Variants in KDM2A observed in about 807,000 individuals in gnomAD.
KDM2A encodes lysine demethylase 2A.
A neutral mutation model predicts 137.3 loss-of-function variants in KDM2A; 3 were observed. The ratio of observed to expected loss-of-function variants is 0.02; its 90% CI spans 0.01 to 0.06. The LOEUF is 0.06. Ranked by LOEUF, KDM2A falls within the 10% of genes least tolerant of loss-of-function variation. The pLI is 1.00. For missense variants in KDM2A, 738 were observed against 1,510.6 expected (o/e 0.49, Z 8.48); for synonymous variants, 512 against 541.5 (o/e 0.95, Z 0.76).
intron 5 of KDM2A, among the ~76,000 whole-genome samples, chr11:67,203,083 C>T (rs1857686787): frequency 6.6e-6 from 1 of 152,072 alleles, no homozygotes. Context: ...CCTTCAGCAA[C>T]CACCACCACT....
At chr11:67,246,224 A>T in intron 15 of KDM2A, 108 bp downstream of exon 15, 1 of 1,209,754 alleles carries the variant, frequency 8.3e-7, no homozygotes, top group South Asian at 1.3e-5. Context: ...GTAGGCCATC[A>T]GCTCTGTGGT....
In KDM2A at chr11:67,257,943, A is replaced by G. The variant is rs925065769; in HGVS notation, c.*2888A>G. On this transcript the variant is annotated 3_prime_UTR_variant, in exon 21 of 21. Transcript: ENST00000529006. ...GACATCTTTCCTCTGACACGTGGGA[A>G]TGGGTGATATTTGTGTAATAAAATT... 5 of 152,190 alleles carry G rather than the reference A, an allele frequency of 3.3e-5. No individual in the cohort carries two copies. Among genetic ancestry groups the G allele is most frequent in the African/African-American group, 1.2e-4 (5 of 41,446 alleles). The allele number at this position is 152,190 out of a possible 1,614,324, so 9.4% of individuals were successfully genotyped here. A position where few individuals can be genotyped will look rare whatever the true frequency, so the allele number is the denominator to read the frequency against.
At chr11:67,162,894 T>G (rs1322542838) in intron 2 of KDM2A, among the ~76,000 whole-genome samples, 1 of 151,900 alleles carries the variant, frequency 6.6e-6, no homozygotes, top group Non-Finnish European at 1.5e-5. Context: ...AATAAATTTT[T>G]TAGAGATGGG....
intron 12 of KDM2A, among the ~76,000 whole-genome samples, chr11:67,242,093 A>T (rs183978085): frequency 4.5e-4 from 69 of 152,318 alleles, no homozygotes; most frequent in Admixed American, 3.9e-3. Context: ...AATTAAAAAA[A>T]ATATATTTGT....
At chr11:67,145,772 C>T (rs1253413968) in intron 2 of KDM2A, among the ~76,000 whole-genome samples, 1 of 151,844 alleles carries the variant, frequency 6.6e-6, no homozygotes, top group Non-Finnish European at 1.5e-5. Flanking sequence ...CTCTTATTTA[C>T]TTTTGGACCT....
intron 2 of KDM2A, among the ~76,000 whole-genome samples, chr11:67,128,009 C>CTTTTT (rs56704753): frequency 5.6e-5 from 6 of 107,868 alleles, no homozygotes; most frequent in Non-Finnish European, 9.4e-5. Flanking sequence ...CACACCCGGC[C>CTTTTT]TTTTTTTTTT....
intron 3 of KDM2A, chr11:67,180,441 G>A (rs1433446060): frequency 2.6e-6 from 1 of 384,730 alleles, no homozygotes; most frequent in Non-Finnish European, 4.6e-6. Context: ...TAGGGCAGGA[G>A]TATTGTTGGA....
In KDM2A at chr11:67,193,987, C is replaced by T. The variant is rs568157060; in HGVS notation, c.307+12095C>T. Among the ~76,000 whole-genome samples, 5 of 152,292 alleles carry T rather than the reference C, an allele frequency of 3.3e-5. No homozygotes were observed. The East Asian group carries it at 5.8e-4, about 18-fold the overall frequency. ...CCTCCCAAATTGCTGAGATTATAGG[C>T]GTAATCTCACTGCACCTGTCCACCA... is the stretch of plus-strand genomic sequence containing the variant. On this transcript the variant is annotated intron_variant, in intron 5 of 20. Coordinates refer to ENST00000529006, the MANE Select transcript of KDM2A (RefSeq NM_012308.3).
chr11:67,218,028 C>A, intron 9 of KDM2A, 144 bp downstream of exon 9: 1 of 771,868 alleles, frequency 1.3e-6, no homozygotes, highest in Non-Finnish European at 2.0e-6. Flanking sequence ...GGAATAGATG[C>A]TGAGGTTTTG....
intron 10 of KDM2A, among the ~76,000 whole-genome samples, chr11:67,225,654 C>T (rs1206784612): frequency 6.6e-6 from 1 of 152,226 alleles, no homozygotes; most frequent in Non-Finnish European, 1.5e-5. Flanking sequence ...CCTGTAATCC[C>T]AGCTACTCGG....
chr11:67,192,977 T>C (rs917325890), intron 5 of KDM2A, among the ~76,000 whole-genome samples: 1 of 152,146 alleles, frequency 6.6e-6, no homozygotes, highest in African/African-American at 2.4e-5. Flanking sequence ...AGATATTCAT[T>C]TATTTTTTAT....
At chr11:67,197,644 C>G (rs577856239) in intron 5 of KDM2A, among the ~76,000 whole-genome samples, 6 of 152,246 alleles carry the variant, frequency 3.9e-5, no homozygotes, top group Admixed American at 3.9e-4. Flanking sequence ...AAGAAGTAAG[C>G]CATTCTGTCT....
intron 5 of KDM2A, among the ~76,000 whole-genome samples, chr11:67,188,956 T>C (rs1857276920): frequency 6.6e-6 from 1 of 152,150 alleles, no homozygotes; most frequent in Admixed American, 6.6e-5. Flanking sequence ...AGTAGACATT[T>C]CTATACAGTA....
At chr11:67,244,134 C>T (rs1859132504) in intron 13 of KDM2A, among the ~76,000 whole-genome samples, 1 of 152,160 alleles carries the variant, frequency 6.6e-6, no homozygotes, top group African/African-American at 2.4e-5. Context: ...AGGAGTCCTG[C>T]TTGGCCTCTG....
At chr11:67,156,585 G>A (rs1482763948) in intron 2 of KDM2A, among the ~76,000 whole-genome samples, 1 of 152,018 alleles carries the variant, frequency 6.6e-6, no homozygotes, top group Non-Finnish European at 1.5e-5. Flanking sequence ...CGGGCGTGGT[G>A]GTAGGCGCCT....
intron 5 of KDM2A, among the ~76,000 whole-genome samples, chr11:67,198,159 A>G (rs1857526660): frequency 6.6e-6 from 1 of 152,118 alleles, no homozygotes; most frequent in Non-Finnish European, 1.5e-5. Context: ...GTATAAGTGA[A>G]CCCATGTAGT....
At chr11:67,185,613 TTGG>T in intron 5 of KDM2A, among the ~76,000 whole-genome samples, 1 of 151,670 alleles carries the variant, frequency 6.6e-6, no homozygotes. Flanking sequence ...CACTCTAGCC[TTGG>T]TGACGAGCGA....
intron 12 of KDM2A, among the ~76,000 whole-genome samples, chr11:67,237,458 CATT>C (rs1170268410): frequency 7.2e-6 from 1 of 139,430 alleles, no homozygotes; most frequent in African/African-American, 2.8e-5. Flanking sequence ...TTATTATTAT[CATT>C]ATTATTATTA....
At position 67,228,177 on chromosome 11, in the gene KDM2A, C is replaced by G; in HGVS notation, c.1084+14C>G. On this transcript the variant is annotated intron_variant, in intron 11 of 20. Coordinates refer to ENST00000529006, the MANE Select transcript of KDM2A (RefSeq NM_012308.3). The stretch of plus-strand genomic sequence containing the variant: ...CCCTCAGCATGGGTAAGTATTCTGC[C>G]TATAGGAGCTTTGAAGACACCGCTT... 6.2e-7 allele frequency: 1 copy of G among 1,613,068 alleles called. No homozygotes were observed. Among genetic ancestry groups the G allele is most frequent in the Non-Finnish European group, 8.5e-7 (1 of 1,179,260 alleles).
Sources: gnomAD v4.1 joint callset for allele counts (sites outside exome capture counted in the v4.1 genomes callset) on GRCh38, gnomAD v4.1.1 for gene constraint, MANE v1.5 for transcripts, NCBI Gene and HGNC (gene_info 2026-07-23, HGNC 2026-07-21) for gene names.